The following SOBP variants were observed in gnomAD, a reference collection of about 807,000 sequenced individuals.
SOBP encodes the protein sine oculis binding protein homolog, also known as sine oculis-binding protein homolog.
In SOBP, 4 loss-of-function variants were observed where a neutral mutation model predicts 53.6. The observed-to-expected ratio is 0.07, with a 90% confidence interval of 0.04 to 0.17. The LOEUF (loss-of-function observed/expected upper bound fraction) is 0.17, where lower values mean the gene tolerates loss of function less well. Ranked by LOEUF, SOBP falls within the 10% of genes least tolerant of loss-of-function variation. SOBP has a pLI of 1.00. For synonymous variants in SOBP, 584 were observed against 522.6 expected (o/e 1.12, Z -1.60); for missense variants, 1,088 against 1,204.7 (o/e 0.90, Z 1.43).
At chr6:107,656,487 T>G (rs369221499) in intron 6 of SOBP, among the ~76,000 whole-genome samples, 3 of 152,226 alleles carry the variant, frequency 2.0e-5, no homozygotes, top group African/African-American at 7.2e-5. Context: ...ATTTGTGGTG[T>G]TTTGCATTTT....
intron 4 of SOBP, among the ~76,000 whole-genome samples, chr6:107,569,794 A>G (rs1426345225): frequency 1.3e-5 from 2 of 152,228 alleles, no homozygotes; most frequent in Non-Finnish European, 2.9e-5. Context: ...GAGCACATGA[A>G]TAAGTGGAGG....
chr6:107,658,959 A>G lies in SOBP; in HGVS notation c.*756A>G, dbSNP rs1384448986. 6.5e-6 allele frequency: 1 copy of G among 152,686 alleles called. No individual in the cohort carries two copies. 9.5% of individuals were successfully genotyped at this position (152,686 alleles called of 1,614,324 possible). ...GTGGTTTTTCAGAGACTGAATGCCA[A>G]GAGAACTCGGTAAATGTTTATTCTT... is the stretch of plus-strand genomic sequence containing the variant. On this transcript the variant is annotated 3_prime_UTR_variant, in exon 7 of 7. Coordinates refer to ENST00000317357, the MANE Select transcript of SOBP (RefSeq NM_018013.4).
At chr6:107,491,405 C>T (rs1334606897) in intron 1 of SOBP, among the ~76,000 whole-genome samples, 2 of 152,260 alleles carry the variant, frequency 1.3e-5, no homozygotes, top group Non-Finnish European at 2.9e-5. Flanking sequence ...GCGGCCTTTG[C>T]AGGGCGCCTG....
rs1327406329 is a variant in SOBP at position 107,635,030 on chromosome 6, GCGC to G, written c.2195_2197del (p.Ala732del). 8.1e-7 allele frequency: 1 copy of G among 1,238,660 alleles called. No individual in the cohort carries two copies. Among genetic ancestry groups the G allele is most frequent in the Admixed American group, 4.5e-5 (1 of 22,430 alleles). 76.7% of individuals were successfully genotyped at this position (1,238,660 alleles called of 1,614,324 possible). Reference sequence around the variant, plus strand: ...AACGTCATCGTGAACGGCACGCGCGGCGCCGCCGCCGAGGGCGCTAAGAGCGCG... The same window carrying G: ...AACGTCATCGTGAACGGCACGCGCGGCGCCGCCGAGGGCGCTAAGAGCGCG... On this transcript the variant is annotated inframe_deletion, in exon 6 of 7. Transcript: ENST00000317357. The surrounding 1 kb of genome is among the most constrained non-coding windows in gnomAD (Gnocchi z 4.5).
intron 4 of SOBP, among the ~76,000 whole-genome samples, chr6:107,573,902 A>T (rs1010935189): frequency 2.0e-5 from 3 of 152,248 alleles, no homozygotes; most frequent in Non-Finnish European, 4.4e-5. Flanking sequence ...GTTATCATTG[A>T]ACTTAAAAAA....
intron 4 of SOBP, among the ~76,000 whole-genome samples, chr6:107,585,473 G>A (rs1426115716): frequency 6.6e-6 from 1 of 152,336 alleles, no homozygotes; most frequent in South Asian, 2.1e-4. Flanking sequence ...TTCCGATGCA[G>A]TAAGAAGAAA....
At chr6:107,512,217 G>A (rs1334812824) in intron 3 of SOBP, among the ~76,000 whole-genome samples, 1 of 152,146 alleles carries the variant, frequency 6.6e-6, no homozygotes, top group Non-Finnish European at 1.5e-5. Context: ...ATAATCTGAA[G>A]TGGCAAAAAA....
chr6:107,609,091 C>G (rs1438763097), intron 5 of SOBP, among the ~76,000 whole-genome samples: 1 of 152,194 alleles, frequency 6.6e-6, no homozygotes, highest in Non-Finnish European at 1.5e-5. Context: ...TCACTTAGAT[C>G]CATGATCTCA....
chr6:107,601,001 G>A (rs1212105314), intron 5 of SOBP, among the ~76,000 whole-genome samples: 2 of 152,080 alleles, frequency 1.3e-5, no homozygotes, highest in African/African-American at 2.4e-5. Flanking sequence ...TCTTAATAAA[G>A]CCTTTGAATA....
chr6:107,656,157 C>T lies in SOBP; in HGVS notation c.*4-2050C>T, dbSNP rs534676952. ...GAATTGTTCCCAGAAGAAGTGACCC[C>T]GGTGTCTTTGGATCCACTTGTCATC... On this transcript the variant is annotated intron_variant, in intron 6 of 6. Coordinates refer to ENST00000317357, the MANE Select transcript of SOBP (RefSeq NM_018013.4). Among the ~76,000 whole-genome samples, 41 of 152,206 alleles carry T rather than the reference C, an allele frequency of 2.7e-4. No homozygotes were observed. The South Asian group carries it at 8.5e-3, about 32-fold the overall frequency.
At chr6:107,594,768 T>A (rs1158568498) in intron 5 of SOBP, among the ~76,000 whole-genome samples, 1 of 152,214 alleles carries the variant, frequency 6.6e-6, no homozygotes, top group Non-Finnish European at 1.5e-5. Flanking sequence ...CCCTTTATTC[T>A]CACCGTAACT....
intron 3 of SOBP, among the ~76,000 whole-genome samples, chr6:107,530,802 G>A (rs1215585926): frequency 6.6e-6 from 1 of 152,192 alleles, no homozygotes; most frequent in African/African-American, 2.4e-5. Flanking sequence ...CCAGCAGCCA[G>A]ATATAAAAGT....
intron 3 of SOBP, among the ~76,000 whole-genome samples, chr6:107,507,227 A>C (rs1440600363): frequency 6.6e-6 from 1 of 152,200 alleles, no homozygotes; most frequent in African/African-American, 2.4e-5. Context: ...GAAACCACCT[A>C]GATTAAGCTT....
intron 3 of SOBP, chr6:107,529,498 G>A (rs1423371919): frequency 9.1e-6 from 9 of 985,218 alleles, no homozygotes; most frequent in East Asian, 1.1e-4. Flanking sequence ...AAATACTTTC[G>A]GAATTTCCCC....
intron 5 of SOBP, among the ~76,000 whole-genome samples, chr6:107,609,517 C>T: frequency 6.6e-6 from 1 of 152,192 alleles, no homozygotes; most frequent in East Asian, 1.9e-4. Context: ...ACAGAACAGC[C>T]ATGGAGCACA....
chr6:107,634,056 G>A lies in SOBP; in HGVS notation c.1212G>A (p.Met404Ile). The change falls in exon 6 of 7, where the codon ATG becomes ATA. Residue 404 changes from methionine to isoleucine, a missense_variant. Around this residue, in one of 6 missense-constraint regions of SOBP, gnomAD observed 211 missense variants for 258.9 expected, o/e 0.82. Coordinates refer to ENST00000317357, the MANE Select transcript of SOBP (RefSeq NM_018013.4). The surrounding 1 kb of genome is among the most constrained non-coding windows in gnomAD (Gnocchi z 4.5). ...PLPIFMEQQI[M>I]QQIRPPFIRG... ...CCATCTTCATGGAGCAGCAGATCAT[G>A]CAGCAGATCCGCCCGCCCTTCATCC... The A allele has an allele frequency of 1.2e-6, 2 of 1,605,030 alleles. No individual in the cohort carries two copies. The highest frequency in any genetic ancestry group is 1.7e-6 in the Non-Finnish European group (2 of 1,174,952).
intron 5 of SOBP, among the ~76,000 whole-genome samples, chr6:107,599,302 CTAAT>C (rs760252485): frequency 2.0e-4 from 30 of 152,090 alleles, no homozygotes; most frequent in South Asian, 4.1e-4. Flanking sequence ...TAAAGTGTAA[CTAAT>C]AAAGATAAAT....
intron 4 of SOBP, among the ~76,000 whole-genome samples, chr6:107,580,783 A>G (rs893883705): frequency 1.3e-5 from 2 of 152,330 alleles, no homozygotes; most frequent in Non-Finnish European, 1.5e-5. Context: ...GGCCAAGACC[A>G]TGGTATCTAA....
At chr6:107,654,821 GA>G (rs1445944186) in intron 6 of SOBP, among the ~76,000 whole-genome samples, 2 of 148,468 alleles carry the variant, frequency 1.3e-5, no homozygotes, top group African/African-American at 5.0e-5. Context: ...TCAGGGCTCT[GA>G]GGGGAGGGTG....
Sources: allele counts gnomAD v4.1 joint callset (sites outside exome capture counted in the v4.1 genomes callset), GRCh38; gene constraint gnomAD v4.1.1; regional missense constraint gnomAD v4.1.1; non-coding constraint Gnocchi (gnomAD v3.1); transcripts MANE v1.5; gene names NCBI Gene and HGNC (gene_info 2026-07-23, HGNC 2026-07-21).